Variants in DNAH3 observed in about 807,000 individuals in gnomAD.
DNAH3 encodes the protein axonemal beta dynein heavy chain 3.
In DNAH3, 332 loss-of-function variants were observed where a neutral mutation model predicts 432.5. The ratio of observed to expected loss-of-function variants is 0.77; its 90% CI spans 0.70 to 0.84. The LOEUF (loss-of-function observed/expected upper bound fraction) is 0.84. Ranked by LOEUF, DNAH3 falls within the 40% of genes least tolerant of loss-of-function variation. DNAH3 has a pLI of 0.00. For synonymous variants in DNAH3, 1,956 were observed against 1,900.2 expected (o/e 1.03, Z -0.76); for missense variants, 4,861 against 5,114.0 (o/e 0.95, Z 1.51).
rs1296428912 is a variant in DNAH3, at chr16:20,969,654, C to G, written c.8458+138G>C. 9 of 985,478 alleles carry G rather than the reference C, an allele frequency of 9.1e-6. No homozygotes were observed. The East Asian group carries it at 2.2e-4, about 24-fold the overall frequency. 61.0% of individuals were successfully genotyped at this position (985,478 alleles called of 1,614,324 possible). ...GAGGCCTTGGGTGCACACACACAGC[C>G]TGGTTCCTTTCTTAATTCCTCCAAA... On this transcript the variant is annotated intron_variant, in intron 52 of 61. Transcript: ENST00000261383.
chr16:21,147,524 C>T (rs1326021286), intron 1 of DNAH3, among the ~76,000 whole-genome samples: 1 of 152,226 alleles, frequency 6.6e-6, no homozygotes, highest in African/African-American at 2.4e-5. Context: ...TGGACTCTTG[C>T]ATTTTCACAT....
rs2089459247 is a variant in DNAH3, at chr16:21,041,876, T to C, written c.4638+151A>G. On this transcript the variant is annotated intron_variant, in intron 32 of 61. Coordinates refer to ENST00000261383, the Ensembl canonical transcript of DNAH3. The stretch of plus-strand genomic sequence containing the variant: ...TTAGTAGAGATGGGGTTTCACCACA[T>C]TGGACAGGCTGATCTCGAGCTCCTG... 4.8e-6 allele frequency: 4 copies of C among 828,424 alleles called. No individual in the cohort carries two copies. In the Admixed American group the frequency reaches 7.3e-5, roughly 15 times the overall value. The allele number at this position is 828,424 out of a possible 1,614,324, so 51.3% of individuals were successfully genotyped here. A position where few individuals can be genotyped will look rare whatever the true frequency, so the allele number is the denominator to read the frequency against.
intron 59 of DNAH3, among the ~76,000 whole-genome samples, chr16:20,939,612 C>CA (rs35683068): frequency 1.7e-3 from 170 of 97,462 alleles, no homozygotes; most frequent in East Asian, 4.5e-3. Flanking sequence ...GACTCTGTCT[C>CA]AAAAAAAAAA....
chr16:21,120,349 C>A (rs1203359466), intron 11 of DNAH3, among the ~76,000 whole-genome samples: 1 of 152,144 alleles, frequency 6.6e-6, no homozygotes, highest in Non-Finnish European at 1.5e-5. Flanking sequence ...CTTCCTGCTT[C>A]TCGACCTCCC....
At chr16:21,133,361 C>CA (rs34385925) in intron 7 of DNAH3, among the ~76,000 whole-genome samples, 23,373 of 69,866 alleles carry the variant, frequency 0.33, 2,932 homozygotes, top group African/African-American at 0.41. Flanking sequence ...AGATTCGTCT[C>CA]AAAAAAAAAA....
At chr16:20,935,584 A>T in intron 60 of DNAH3, 99 bp from the exon 61 acceptor site, 2 of 1,387,618 alleles carry the variant, frequency 1.4e-6, no homozygotes, top group Non-Finnish European at 1.9e-6. Context: ...ATGTTTTTTC[A>T]TATTTTTCTT....
chr16:20,976,186 T>C (rs914425714), intron 50 of DNAH3, among the ~76,000 whole-genome samples: 1 of 152,088 alleles, frequency 6.6e-6, no homozygotes, highest in African/African-American at 2.4e-5. Flanking sequence ...ACAAAATTTT[T>C]TTTTAAGTTA....
chr16:21,067,210 G>C, intron 24 of DNAH3, 73 bp downstream of exon 24: 2 of 1,557,888 alleles, frequency 1.3e-6, no homozygotes, highest in Non-Finnish European at 1.8e-6. Context: ...GCCAACTCTT[G>C]GCATGAAAAA....
intron 1 of DNAH3, among the ~76,000 whole-genome samples, chr16:21,152,338 C>G (rs989845286): frequency 6.6e-6 from 1 of 152,256 alleles, no homozygotes; most frequent in Non-Finnish European, 1.5e-5. Flanking sequence ...CTGATGACCC[C>G]GAGTCCACTG....
intron 55 of DNAH3, among the ~76,000 whole-genome samples, chr16:20,954,569 C>T (rs2084473175): frequency 6.6e-6 from 1 of 151,996 alleles, no homozygotes; most frequent in Non-Finnish European, 1.5e-5. Context: ...GGATTAAAGG[C>T]ACAAGTCACC....
intron 19 of DNAH3, among the ~76,000 whole-genome samples, chr16:21,082,592 G>A (rs556900788): frequency 5.1e-4 from 77 of 152,216 alleles, no homozygotes; most frequent in African/African-American, 1.8e-3. Flanking sequence ...CACTTTGGGA[G>A]GCTGAGGCGG....
At chr16:20,985,588 A>G in exon 48 of DNAH3, 2 of 1,614,248 alleles carry the variant, frequency 1.2e-6, no homozygotes, top group Non-Finnish European at 1.7e-6. Context: ...GACCACAGTC[A>G]GCTGTTTCAG....
exon 59 of DNAH3, chr16:20,941,452 T>G: frequency 1.2e-6 from 2 of 1,614,164 alleles, no homozygotes; most frequent in Non-Finnish European, 1.7e-6. Flanking sequence ...GGATTCTTCA[T>G]AGACCACGGG....
chr16:20,984,995 A>AC, intron 48 of DNAH3, 54 bp downstream of exon 48: 1 of 1,467,264 alleles, frequency 6.8e-7, no homozygotes, highest in South Asian at 1.3e-5. Flanking sequence ...GGGCACTCAG[A>AC]AGACCCCAAA....
At position 21,031,075 on chromosome 16, in the gene DNAH3, ATTTTCAATCC is replaced by A. The variant is rs1431431532; in HGVS notation, c.5399_5408del (p.Trp1800LeufsTer2). 5.6e-6 allele frequency: 9 copies of A among 1,614,024 alleles called. No homozygotes were observed. In the East Asian group the frequency reaches 2.0e-4, roughly 36 times the overall value. The stretch of plus-strand genomic sequence containing the variant: ...TATTGTCATCCAGAACAGTGTTCAT[ATTTTCAATCC>A]AAATAGCATCCACTGGCCCATCAAA... On this transcript the variant is annotated frameshift_variant, in exon 37 of 62. Transcript: ENST00000261383. LOFTEE classifies it high-confidence loss of function.
At chr16:20,959,135 G>A in intron 54 of DNAH3, 44 bp downstream of exon 54, 1 of 1,590,196 alleles carries the variant, frequency 6.3e-7, no homozygotes, top group Middle Eastern at 1.7e-4. Flanking sequence ...CCTGATGTCT[G>A]GAGGTTGGGT....
intron 11 of DNAH3, among the ~76,000 whole-genome samples, chr16:21,118,553 C>T (rs2092261567): frequency 6.6e-6 from 1 of 152,190 alleles, no homozygotes; most frequent in African/African-American, 2.4e-5. Flanking sequence ...CTACCTCAGC[C>T]TCCTGAGTAG....
chr16:21,134,122 A>G, intron 7 of DNAH3, 137 bp downstream of exon 8: 1 of 814,632 alleles, frequency 1.2e-6, no homozygotes, highest in Non-Finnish European at 1.9e-6. Context: ...ATTCACATGC[A>G]TATTTGGCCT....
intron 60 of DNAH3, 114 bp downstream of exon 60, chr16:20,936,535 G>A (rs1417268853): frequency 3.4e-6 from 3 of 886,750 alleles, no homozygotes; most frequent in Non-Finnish European, 5.2e-6. Context: ...GCTCAATCCA[G>A]GATGTTCTGT....
Sources: gnomAD v4.1 joint callset for allele counts (sites outside exome capture counted in the v4.1 genomes callset) on GRCh38, gnomAD v4.1.1 for gene constraint, MANE v1.5 for transcripts, NCBI Gene and HGNC (gene_info 2026-07-23, HGNC 2026-07-21) for gene names.